The following ABHD12 variants were observed in gnomAD, a reference collection of about 807,000 sequenced individuals.
ABHD12 encodes the protein abhydrolase domain containing 12, lysophospholipase, also known as lysophosphatidylserine lipase ABHD12.
In ABHD12, 43 loss-of-function variants were observed where a neutral mutation model predicts 58.3. That is an observed-to-expected ratio of 0.74 (90% CI 0.58 to 0.95). The LOEUF (loss-of-function observed/expected upper bound fraction) is 0.95, where lower values mean the gene tolerates loss of function less well. Ranked by LOEUF, ABHD12 falls within the 40% of genes least tolerant of loss-of-function variation. The probability of loss-of-function intolerance (pLI) is 0.00; values close to 1 mark genes in which losing one functional copy is unlikely to be tolerated. For synonymous variants in ABHD12, 219 were observed against 211.2 expected (o/e 1.04, Z -0.32); for missense variants, 539 against 537.2 (o/e 1.00, Z -0.03).
intron 1 of ABHD12, among the ~76,000 whole-genome samples, chr20:25,343,258 C>A (rs2089478183): frequency 6.6e-6 from 1 of 152,202 alleles, no homozygotes. Flanking sequence ...GATGGGTTCA[C>A]TGGGGAATTC....
chr20:25,338,850 A>C (rs1322866007), intron 2 of ABHD12: 1 of 1,052,852 alleles, frequency 9.5e-7, no homozygotes, highest in Non-Finnish European at 1.1e-6. Flanking sequence ...TGATGGCTTC[A>C]GCTGACTTCT....
At position 25,323,342 on chromosome 20, in the gene ABHD12, G is replaced by T. The variant is rs147070618; in HGVS notation, c.405C>A (p.Asp135Glu). The change falls in exon 3 of 13, where the codon GAC becomes GAA. Residue 135 changes from aspartate (D) to glutamate (E), a missense_variant. Transcript: ENST00000339157. Reference sequence around the variant, plus strand: ...GCACTCACCAGACTCCAATGGTCACGTCTTCCTCTGGCTGCAGGTAGTAGT... The same window carrying T: ...GCACTCACCAGACTCCAATGGTCACTTCTTCCTCTGGCTGCAGGTAGTAGT... ...TCNYYLQPEE[D>E]VTIGVWHTVP... 1.0e-4 allele frequency: 161 copies of T among 1,613,606 alleles called. No homozygotes were observed. The African/African-American group carries it at 1.8e-3, about 18-fold the overall frequency.
intron 8 of ABHD12, 36 bp downstream of exon 8, chr20:25,308,421 C>A (rs774444692): frequency 3.5e-5 from 56 of 1,605,594 alleles, no homozygotes; most frequent in Middle Eastern, 3.9e-4. Flanking sequence ...ACCCTGAATG[C>A]TCACTGCCAC....
rs548722131 is a variant in ABHD12 at position 25,362,682 on chromosome 20, G to T, written c.192-23331C>A. 2.5e-3 allele frequency among the ~76,000 whole-genome samples: 370 copies of T among 150,122 alleles called. 2 individuals are homozygous for T. Among genetic ancestry groups the T allele is most frequent in the African/African-American group, 8.6e-3 (352 of 40,906 alleles). ...ATTTTTACTTGTTTTTTTTTTTGTCGTTGTTTTTTGAGACGGAGTTTCGCT... is the reference window on the plus strand; with the variant it reads ...ATTTTTACTTGTTTTTTTTTTTGTCTTTGTTTTTTGAGACGGAGTTTCGCT... On this transcript the variant is annotated intron_variant, in intron 1 of 12. Transcript: ENST00000339157.
chr20:25,303,702 G>A, intron 10 of ABHD12, 74 bp from the exon 11 acceptor site: 1 of 1,598,556 alleles, frequency 6.3e-7, no homozygotes, highest in Non-Finnish European at 8.5e-7. Flanking sequence ...TCCATGGCAG[G>A]GATCTGGGTT....
Position 25,368,374 on chromosome 20 carries a change from C to T in ABHD12, c.191+22139G>A, listed in dbSNP as rs568618613. On this transcript the variant is annotated intron_variant, in intron 1 of 12. Transcript: ENST00000339157. ...CCTCCACAATATTCTTGCCTTCTTTCGCCTTGCCACAGACCACATGCTTGC... is the reference window on the plus strand; with the variant it reads ...CCTCCACAATATTCTTGCCTTCTTTTGCCTTGCCACAGACCACATGCTTGC... 1.5e-5 allele frequency: 23 copies of T among 1,577,018 alleles called. No individual in the cohort carries two copies. The East Asian group carries it at 1.8e-4, about 12-fold the overall frequency.
At chr20:25,319,121 G>A (rs1297537161) in intron 4 of ABHD12, among the ~76,000 whole-genome samples, 1 of 152,340 alleles carries the variant, frequency 6.6e-6, no homozygotes, top group African/African-American at 2.4e-5. Context: ...CTGCCTCTGT[G>A]CTGGCTCCTG....
intron 1 of ABHD12, among the ~76,000 whole-genome samples, chr20:25,349,083 C>CAAA (rs61219186): frequency 1.3e-4 from 8 of 61,678 alleles, no homozygotes; most frequent in Middle Eastern, 8.6e-3. Context: ...GACTCCGTCT[C>CAAA]AAAAAAAAAA....
chr20:25,313,991 T>TG (rs397744098), intron 6 of ABHD12, among the ~76,000 whole-genome samples: 2 of 152,036 alleles, frequency 1.3e-5, no homozygotes, highest in African/African-American at 4.8e-5. Context: ...TTTTTTTTTT[T>TG]GACATGGAGT....
intron 2 of ABHD12, among the ~76,000 whole-genome samples, chr20:25,324,357 T>G (rs551055970): frequency 1.6e-4 from 24 of 152,124 alleles, no homozygotes; most frequent in African/African-American, 4.8e-4. Context: ...GTGGGGAGAA[T>G]GGGGGCAATT....
chr20:25,313,643 G>A (rs1377600059), intron 6 of ABHD12, among the ~76,000 whole-genome samples: 2 of 129,012 alleles, frequency 1.6e-5, no homozygotes, highest in South Asian at 2.5e-4. Flanking sequence ...TTAGCCAGGT[G>A]TAGTGGTGTG....
chr20:25,359,399 G>A (rs1205968575), intron 1 of ABHD12, among the ~76,000 whole-genome samples: 1 of 134,150 alleles, frequency 7.5e-6, no homozygotes, highest in African/African-American at 2.9e-5. Flanking sequence ...ACTCCCGCCT[G>A]GGCCACAGAG....
rs879755315 is a variant in ABHD12 at position 25,390,583 on chromosome 20, G to A, written c.121C>T (p.Arg41Cys). ...TCAGCCGCCGCCGGGCCCGTCAGGC[G>A]TAGGTTCTGCTTCAGGCGGCAGTCG... Reference protein sequence around the residue: ...DADCRLKQNLRLTGPAAAEPR... With the variant: ...DADCRLKQNLCLTGPAAAEPR... Residue 41 changes from arginine to cysteine, a missense_variant, in exon 1 of 13, where the codon CGC becomes TGC. Coordinates refer to ENST00000339157, the MANE Select transcript of ABHD12 (RefSeq NM_001042472.3). 2.0e-6 allele frequency: 3 copies of A among 1,479,020 alleles called. No homozygotes were observed. Among genetic ancestry groups the A allele is most frequent in the Middle Eastern group, 2.1e-4 (1 of 4,672 alleles). The allele number at this position is 1,479,020 out of a possible 1,614,324, so 91.6% of individuals were successfully genotyped here. A position where few individuals can be genotyped will look rare whatever the true frequency, so the allele number is the denominator to read the frequency against.
intron 1 of ABHD12, among the ~76,000 whole-genome samples, chr20:25,353,022 T>C (rs186581171): frequency 3.3e-5 from 5 of 152,310 alleles, no homozygotes; most frequent in South Asian, 2.1e-4. Flanking sequence ...TTTTTATAAA[T>C]AAACAAACAG....
At chr20:25,315,501 C>T (rs2088944090) in intron 5 of ABHD12, among the ~76,000 whole-genome samples, 2 of 152,118 alleles carry the variant, frequency 1.3e-5, no homozygotes, top group Admixed American at 6.5e-5. Flanking sequence ...AAACACCCAC[C>T]CCTGTGCCCT....
intron 2 of ABHD12, among the ~76,000 whole-genome samples, chr20:25,329,352 C>A (rs1317763970): frequency 6.6e-6 from 1 of 152,238 alleles, no homozygotes; most frequent in Non-Finnish European, 1.5e-5. Context: ...ATACAGGCCC[C>A]CGCACCATGG....
At chr20:25,378,217 G>A (rs2089982487) in intron 1 of ABHD12, among the ~76,000 whole-genome samples, 2 of 152,220 alleles carry the variant, frequency 1.3e-5, no homozygotes, top group African/African-American at 4.8e-5. Flanking sequence ...AGCCATCCCT[G>A]TATTTTCTCT....
intron 12 of ABHD12, chr20:25,295,111 G>A: frequency 1.4e-6 from 2 of 1,395,424 alleles, no homozygotes; most frequent in African/African-American, 1.4e-5. Flanking sequence ...GAACAGAAAT[G>A]CATTTGTAGA....
intron 1 of ABHD12, among the ~76,000 whole-genome samples, chr20:25,382,024 C>T (rs2090028477): frequency 6.6e-6 from 1 of 152,160 alleles, no homozygotes; most frequent in South Asian, 2.1e-4. Context: ...ACTGACCAAG[C>T]ACTCACCATG....
Sources: gnomAD v4.1 joint callset for allele counts (sites outside exome capture counted in the v4.1 genomes callset) on GRCh38, gnomAD v4.1.1 for gene constraint, MANE v1.5 for transcripts, NCBI Gene and HGNC (gene_info 2026-07-23, HGNC 2026-07-21) for gene names.